DENND5A: variants seen among roughly 807,000 people sequenced by gnomAD.
DENND5A encodes the protein DENN domain-containing protein 5A.
In DENND5A, 64 loss-of-function variants were observed where a neutral mutation model predicts 140.3. The ratio of observed to expected loss-of-function variants is 0.46; its 90% CI spans 0.37 to 0.56. The LOEUF (loss-of-function observed/expected upper bound fraction) is 0.56. DENND5A is among the 20% of genes least tolerant of loss of function. The probability of loss-of-function intolerance (pLI) is 0.00; values close to 1 mark genes in which losing one functional copy is unlikely to be tolerated. For synonymous variants in DENND5A, 605 were observed against 607.7 expected, an observed-to-expected ratio of 1.00 and a Z score of 0.07; for missense variants, 1,292 against 1,593.8, an observed-to-expected ratio of 0.81 and a Z score of 3.22.
chr11:9,170,890 A>G, intron 8 of DENND5A, 113 bp from the exon 9 acceptor site: 1 of 1,534,294 alleles, frequency 6.5e-7, no homozygotes, highest in Non-Finnish European at 8.8e-7. Flanking sequence ...TCCAGCCAAG[A>G]TAGAGTAAAA....
intron 1 of DENND5A, among the ~76,000 whole-genome samples, chr11:9,256,988 A>G (rs1202511896): frequency 2.6e-5 from 4 of 152,140 alleles, no homozygotes; most frequent in African/African-American, 9.7e-5. Context: ...GTTAAGAGAT[A>G]TACTGGAGTT....
intron 9 of DENND5A, chr11:9,170,273 A>T: frequency 5.1e-6 from 5 of 984,794 alleles, no homozygotes; most frequent in Non-Finnish European, 6.0e-6. Context: ...AATTCTGCTA[A>T]CTTACCTACT....
chr11:9,180,458 A>G (rs1848690991), intron 6 of DENND5A, among the ~76,000 whole-genome samples: 1 of 152,164 alleles, frequency 6.6e-6, no homozygotes, highest in Non-Finnish European at 1.5e-5. Flanking sequence ...CTCTCAAAAA[A>G]TAAAAGAGGT....
intron 12 of DENND5A, among the ~76,000 whole-genome samples, chr11:9,153,888 G>A (rs1847716283): frequency 6.6e-6 from 1 of 152,192 alleles, no homozygotes; most frequent in Non-Finnish European, 1.5e-5. Flanking sequence ...CTGATGTGAG[G>A]GAGTAATTCA....
At chr11:9,200,405 G>A (rs983288342) in intron 4 of DENND5A, among the ~76,000 whole-genome samples, 3 of 152,184 alleles carry the variant, frequency 2.0e-5, no homozygotes, top group East Asian at 3.8e-4. Context: ...CTCTAACTTC[G>A]TATCTTAAAC....
intron 16 of DENND5A, chr11:9,146,787 A>C (rs1590205893): frequency 2.2e-6 from 1 of 452,898 alleles, no homozygotes; most frequent in Non-Finnish European, 4.0e-6. Context: ...AGTGCCTAGG[A>C]CAACACCGAC....
chr11:9,146,997 G>T, intron 16 of DENND5A, 33 bp downstream of exon 16: 1 of 1,613,412 alleles, frequency 6.2e-7, no homozygotes, highest in Non-Finnish European at 8.5e-7. Flanking sequence ...AGACTGCCTT[G>T]AGAAGGCCAG....
At chr11:9,143,053 T>C in intron 20 of DENND5A, 1 of 630,294 alleles carries the variant, frequency 1.6e-6, no homozygotes, top group Non-Finnish European at 2.7e-6. Flanking sequence ...GAAGAGATGA[T>C]GGATCTGGGT....
At chr11:9,255,689 C>T (rs1851915524) in intron 1 of DENND5A, among the ~76,000 whole-genome samples, 1 of 152,072 alleles carries the variant, frequency 6.6e-6, no homozygotes, top group African/African-American at 2.4e-5. Context: ...TATGGTGAAA[C>T]TCTGTCTCTA....
intron 4 of DENND5A, 92 bp from the exon 5 acceptor site, chr11:9,193,773 A>C (rs774562742): frequency 9.1e-7 from 1 of 1,100,014 alleles, no homozygotes; most frequent in Non-Finnish European, 1.3e-6. Flanking sequence ...TTTCAGTACA[A>C]TTTCTTATTT....
chr11:9,256,762 C>T (rs1262661487), intron 1 of DENND5A, among the ~76,000 whole-genome samples: 1 of 152,110 alleles, frequency 6.6e-6, no homozygotes, highest in African/African-American at 2.4e-5. Context: ...TGATGAGTAA[C>T]TGCTAATGGG....
intron 5 of DENND5A, among the ~76,000 whole-genome samples, chr11:9,186,438 G>A (rs1036481018): frequency 2.6e-5 from 4 of 152,132 alleles, no homozygotes; most frequent in African/African-American, 9.7e-5. Context: ...CCCACGAAAG[G>A]CACACAATGC....
intron 8 of DENND5A, among the ~76,000 whole-genome samples, chr11:9,172,722 T>G (rs1257236644): frequency 4.6e-5 from 7 of 152,216 alleles, no homozygotes; most frequent in Non-Finnish European, 1.0e-4. Context: ...TTAAACCTCT[T>G]TCCTTTACAA....
At chr11:9,167,794 C>T (rs1018706819) in intron 10 of DENND5A, among the ~76,000 whole-genome samples, 2 of 152,004 alleles carry the variant, frequency 1.3e-5, no homozygotes, top group Non-Finnish European at 2.9e-5. Context: ...CAGAGTAAGA[C>T]CCCATTTCAA....
At chr11:9,217,400 G>A (rs1014644082) in intron 1 of DENND5A, among the ~76,000 whole-genome samples, 2 of 152,036 alleles carry the variant, frequency 1.3e-5, no homozygotes, top group African/African-American at 4.8e-5. Context: ...TGTAGTTCCA[G>A]CTACTCGAGA....
At chr11:9,248,290 C>T (rs1208023616) in intron 1 of DENND5A, among the ~76,000 whole-genome samples, 5 of 152,012 alleles carry the variant, frequency 3.3e-5, no homozygotes, top group South Asian at 2.1e-4. Context: ...GCTGGAATTT[C>T]GTATCTTATT....
intron 22 of DENND5A, 135 bp from the exon 23 acceptor site, chr11:9,139,989 T>C: frequency 9.8e-7 from 1 of 1,017,622 alleles, no homozygotes. Flanking sequence ...ACACCCCCCT[T>C]TCCCAAACAG....
intron 11 of DENND5A, among the ~76,000 whole-genome samples, chr11:9,163,795 C>T (rs1010541548): frequency 5.0e-5 from 7 of 139,826 alleles, no homozygotes; most frequent in African/African-American, 2.7e-5. Context: ...CACAGTGAGA[C>T]TCCATCTCAA....
At chr11:9,225,751 G>C (rs1006338309) in intron 1 of DENND5A, among the ~76,000 whole-genome samples, 5 of 152,106 alleles carry the variant, frequency 3.3e-5, no homozygotes, top group Non-Finnish European at 7.4e-5. Flanking sequence ...AACAGAGCAA[G>C]ACTCTGTCTC....
Sources: gnomAD v4.1 joint callset for allele counts (sites outside exome capture counted in the v4.1 genomes callset) on GRCh38, gnomAD v4.1.1 for gene constraint, MANE v1.5 for transcripts, NCBI Gene and HGNC (gene_info 2026-07-23, HGNC 2026-07-21) for gene names.